Variants in GSC observed in about 807,000 individuals in gnomAD.
The protein encoded by GSC is goosecoid homeobox.
Under a neutral mutation model 24.5 loss-of-function variants are expected in GSC, and 13 were observed. That is an observed-to-expected ratio of 0.53 (90% CI 0.35 to 0.84). The LOEUF (loss-of-function observed/expected upper bound fraction) is 0.84, where lower values mean the gene tolerates loss of function less well. GSC is among the 40% of genes least tolerant of loss of function. GSC has a pLI of 0.01. For synonymous variants in GSC, 199 were observed against 182.1 expected (o/e 1.09, Z -0.75); for missense variants, 382 against 384.2 (o/e 0.99, Z 0.05).
In GSC at chr14:94,768,657, G is replaced by A. The variant is rs1320590724; in HGVS notation, c.616-8C>T. ...GCGGTTCTTAAACCAGACCTGTTGC[G>A]CAACGGAGGACAAAACAGTTCAGAT... On this transcript the variant is annotated splice_region_variant and splice_polypyrimidine_tract_variant and intron_variant, in intron 2 of 2. Transcript: ENST00000238558. 1.2e-6 allele frequency: 2 copies of A among 1,612,972 alleles called. No individual in the cohort carries two copies. Among genetic ancestry groups the A allele is most frequent in the Non-Finnish European group, 1.7e-6 (2 of 1,179,970 alleles).
Position 94,769,017 on chromosome 14 carries a change from C to G in GSC, c.556G>C (p.Asp186His). The change falls in exon 2 of 3, where the codon GAC (aspartate) becomes CAC (histidine). Residue 186 changes from aspartate to histidine, a missense_variant. Transcript: ENST00000238558. ...GCCAGCTGCTCGCGCGTGCCCACGT[C>G]CGGGTACTTGGTCTCCTGGAAGAGG... ...ENLFQETKYP[D>H]VGTREQLARK... 6.3e-7 allele frequency: 1 copy of G among 1,597,288 alleles called. No homozygotes were observed.
At position 94,768,484 on chromosome 14, in the gene GSC, G is replaced by C; in HGVS notation, c.*7C>G. The C allele has an allele frequency of 1.2e-6, 2 of 1,614,138 alleles. No homozygotes were observed. The highest frequency in any genetic ancestry group is 1.7e-5 in the Admixed American group (1 of 60,030). ...GGTAAGTAATACGGGCAAGTGTCCC[G>C]CGGCCGTCAGCTGTCCGAGTCCAAA... On this transcript the variant is annotated 3_prime_UTR_variant, in exon 3 of 3. Transcript: ENST00000238558.
In GSC at chr14:94,769,944, C is replaced by G. The variant is rs925118799; in HGVS notation, c.72G>C (p.Pro24=). The part of the protein sequence containing the change: ...ARPRCKDSVL[P]VAHSAAAPVV... ...CGGGAGCCGCCGCGCTGTGCGCCAC[C>G]GGCAACACCGAGTCCTTGCAGCGCG... The change falls in exon 1 of 3, where the codon CCG becomes CCC. Residue 24 remains proline, a synonymous_variant. Coordinates refer to ENST00000238558, the MANE Select transcript of GSC (RefSeq NM_173849.3). The G allele has an allele frequency of 6.5e-7, 1 of 1,548,444 alleles. No individual in the cohort carries two copies. Among genetic ancestry groups the G allele is most frequent in the Non-Finnish European group, 8.7e-7 (1 of 1,155,442 alleles).
rs748161636 is a variant in GSC at position 94,770,037 on chromosome 14, C to T, written c.-22G>A. 1.5e-4 allele frequency: 229 copies of T among 1,535,068 alleles called. No individual in the cohort carries two copies. The highest frequency in any genetic ancestry group is 1.9e-4 in the Non-Finnish European group (220 of 1,148,432). On this transcript the variant is annotated 5_prime_UTR_variant, in exon 1 of 3. Transcript: ENST00000238558. ...GCATCCCCGAGCCCCGCGTCGGGAC[C>T]GGGGGGCGGCGGGAACGCGCCGAGG...
rs1356744173 is a variant in GSC, at chr14:94,769,705, G to A, written c.311C>T (p.Pro104Leu). Reference protein sequence around the residue: ...PVGPACCGAVPPLGAQQCSCV... With the variant: ...PVGPACCGAVLPLGAQQCSCV... The stretch of plus-strand genomic sequence containing the variant: ...GGAGCACTGCTGGGCGCCCAGCGGC[G>A]GCACGGCCCCGCAGCAGGCCGGGCC... Residue 104 changes from proline (P) to leucine (L), a missense_variant, in exon 1 of 3, where the codon CCG (proline) becomes CTG (leucine). Transcript: ENST00000238558. 1.4e-6 allele frequency: 2 copies of A among 1,446,224 alleles called. No individual in the cohort carries two copies. The highest frequency in any genetic ancestry group is 1.8e-6 in the Non-Finnish European group (2 of 1,108,546). 89.6% of individuals were successfully genotyped at this position (1,446,224 alleles called of 1,614,324 possible).
Position 94,769,015 on chromosome 14 carries a change from G to A in GSC, c.558C>T (p.Asp186=). Residue 186 remains aspartate, a synonymous_variant, in exon 2 of 3, where the codon GAC becomes GAT. Transcript: ENST00000238558. Reference sequence around the variant, plus strand: ...GGGCCAGCTGCTCGCGCGTGCCCACGTCCGGGTACTTGGTCTCCTGGAAGA... The same window carrying A: ...GGGCCAGCTGCTCGCGCGTGCCCACATCCGGGTACTTGGTCTCCTGGAAGA... ...ENLFQETKYP[D]VGTREQLARK... 2 of 1,597,130 alleles carry A rather than the reference G, an allele frequency of 1.3e-6. No homozygotes were observed. Among genetic ancestry groups the A allele is most frequent in the South Asian group, 1.1e-5 (1 of 88,096 alleles).
Position 94,770,047 on chromosome 14 carries a change from C to A in GSC, c.-32G>T. The A allele has an allele frequency of 1.3e-6, 2 of 1,528,168 alleles. No homozygotes were observed. Among genetic ancestry groups the A allele is most frequent in the East Asian group, 2.5e-5 (1 of 40,326 alleles). 94.7% of individuals were successfully genotyped at this position (1,528,168 alleles called of 1,614,324 possible). A position where few individuals can be genotyped will look rare whatever the true frequency, so the allele number is the denominator to read the frequency against. ...GCCCCGCGTCGGGACCGGGGGGCGG[C>A]GGGAACGCGCCGAGGACAGAGCCTT... is the stretch of plus-strand genomic sequence containing the variant. On this transcript the variant is annotated 5_prime_UTR_variant, in exon 1 of 3. Transcript: ENST00000238558.
chr14:94,768,332 C>T lies in GSC; in HGVS notation c.*159G>A. Reference sequence around the variant, plus strand: ...TGCTGGGCTGTGCGCGCCCTGACCCCAGACGCCGACCCTCCCGGCTCTGTA... The same window carrying T: ...TGCTGGGCTGTGCGCGCCCTGACCCTAGACGCCGACCCTCCCGGCTCTGTA... On this transcript the variant is annotated 3_prime_UTR_variant, in exon 3 of 3. Coordinates refer to ENST00000238558, the MANE Select transcript of GSC (RefSeq NM_173849.3). 1.0e-6 allele frequency: 1 copy of T among 967,440 alleles called. No individual in the cohort carries two copies. The highest frequency in any genetic ancestry group is 1.6e-6 in the Non-Finnish European group (1 of 628,824). The allele number at this position is 967,440 out of a possible 1,614,324, so 59.9% of individuals were successfully genotyped here. A position where few individuals can be genotyped will look rare whatever the true frequency, so the allele number is the denominator to read the frequency against.
chr14:94,769,065 C>T lies in GSC; in HGVS notation c.508G>A (p.Glu170Lys), dbSNP rs1030165849. Residue 170 changes from glutamate to lysine, a missense_variant, in exon 2 of 3, where the codon GAG (glutamate) becomes AAG (lysine). Physicochemically the swap from Glu to Lys is moderately conservative, Grantham distance 56 (BLOSUM62 1). Coordinates refer to ENST00000238558, the MANE Select transcript of GSC (RefSeq NM_173849.3). ...KRRHRTIFTD[E>K]QLEALENLFQ... ...AGGTTCTCGAGAGCTTCGAGCTGCT[C>T]GTCAGTGAAGATGGTGCGGTGCCGC... is the stretch of plus-strand genomic sequence containing the variant. 1 of 1,594,850 alleles carries T rather than the reference C, an allele frequency of 6.3e-7. No individual in the cohort carries two copies. The highest frequency in any genetic ancestry group is 8.5e-7 in the Non-Finnish European group (1 of 1,171,448).
chr14:94,768,957 C>A lies in GSC; in HGVS notation c.615+1G>T. ...CGCCCACGGCAGGCCCCGGCGCCTA[C>A]CTCCACTTTCTCCTCGCGGAGGTGC... On this transcript the variant is annotated splice_donor_variant, in intron 2 of 2. Coordinates refer to ENST00000238558, the MANE Select transcript of GSC (RefSeq NM_173849.3). LOFTEE classifies it high-confidence loss of function. 1 of 1,581,470 alleles carries A rather than the reference C, an allele frequency of 6.3e-7. No homozygotes were observed. The highest frequency in any genetic ancestry group is 8.6e-7 in the Non-Finnish European group (1 of 1,164,948).
At position 94,769,932 on chromosome 14, in the gene GSC, G is replaced by T; in HGVS notation, c.84C>A (p.Ser28Arg). 3 of 1,540,694 alleles carry T rather than the reference G, an allele frequency of 1.9e-6. No homozygotes were observed. The highest frequency in any genetic ancestry group is 2.4e-5 in the South Asian group (2 of 84,398). The change falls in exon 1 of 3, where the codon AGC becomes AGA. Residue 28 changes from serine to arginine, a missense_variant. By Grantham distance (110) the Ser-to-Arg change is moderately radical (BLOSUM62 -1). Transcript: ENST00000238558. ...CCGGGAAGACGACGGGAGCCGCCGC[G>T]CTGTGCGCCACCGGCAACACCGAGT... ...CKDSVLPVAH[S>R]AAAPVVFPAL...
intron 2 of GSC, 140 bp from the exon 3 acceptor site, chr14:94,768,789 G>A (rs977790118): frequency 1.9e-5 from 26 of 1,404,476 alleles, no homozygotes; most frequent in Non-Finnish European, 2.5e-5. Flanking sequence ...TCCCGCTTCC[G>A]CGTTTTCATT....
At position 94,768,431 on chromosome 14, in the gene GSC, C is replaced by G; in HGVS notation, c.*60G>C. 6.3e-7 allele frequency: 1 copy of G among 1,592,914 alleles called. No homozygotes were observed. The highest frequency in any genetic ancestry group is 1.7e-5 in the Admixed American group (1 of 60,012). On this transcript the variant is annotated 3_prime_UTR_variant, in exon 3 of 3. Transcript: ENST00000238558. Reference sequence around the variant, plus strand: ...CAGCGCGTGTGCAAGAAAGTAGCATCGTCTGTCTGTGCAAGTCCTTCGAGT... The same window carrying G: ...CAGCGCGTGTGCAAGAAAGTAGCATGGTCTGTCTGTGCAAGTCCTTCGAGT...
rs1337966575 is a variant in GSC at position 94,770,054 on chromosome 14, G to A, written c.-39C>T. 3.9e-6 allele frequency: 6 copies of A among 1,522,572 alleles called. No homozygotes were observed. The Admixed American group carries it at 6.0e-5, about 15-fold the overall frequency. 94.3% of individuals were successfully genotyped at this position (1,522,572 alleles called of 1,614,324 possible). A position where few individuals can be genotyped will look rare whatever the true frequency, so the allele number is the denominator to read the frequency against. On this transcript the variant is annotated 5_prime_UTR_variant, in exon 1 of 3. Coordinates refer to ENST00000238558, the MANE Select transcript of GSC (RefSeq NM_173849.3). ...GTCGGGACCGGGGGGCGGCGGGAACGCGCCGAGGACAGAGCCTTAAAGTGG... is the reference window on the plus strand; with the variant it reads ...GTCGGGACCGGGGGGCGGCGGGAACACGCCGAGGACAGAGCCTTAAAGTGG...
chr14:94,768,232 A>G lies in GSC; in HGVS notation c.*259T>C, dbSNP rs2139702325. 1.9e-6 allele frequency: 1 copy of G among 516,806 alleles called. No homozygotes were observed. The highest frequency in any genetic ancestry group is 3.5e-6 in the Non-Finnish European group (1 of 283,970). The allele number at this position is 516,806 out of a possible 1,614,324, so 32.0% of individuals were successfully genotyped here. ...CAGAATGTGGCCCGTCTACATCGCC[A>G]TCACTTTATTGTACTGTCACCCTTA... On this transcript the variant is annotated 3_prime_UTR_variant, in exon 3 of 3. Transcript: ENST00000238558.
chr14:94,768,854 T>C, intron 2 of GSC, 104 bp downstream of exon 2: 1 of 1,483,558 alleles, frequency 6.7e-7, no homozygotes. Context: ...CATCGGGATG[T>C]TTTTAAAGTG....
intron 2 of GSC, 45 bp from the exon 3 acceptor site, chr14:94,768,694 T>C (rs540045819): frequency 1.1e-5 from 17 of 1,532,766 alleles, no homozygotes; most frequent in Middle Eastern, 2.0e-4. Context: ...AAAGGCGCGC[T>C]TCCCCCAGTC....
At chr14:94,769,423 TCAAAACAAAA>T (rs372026110) in intron 1 of GSC, among the ~76,000 whole-genome samples, 6 of 151,916 alleles carry the variant, frequency 3.9e-5, no homozygotes, top group African/African-American at 1.2e-4. Context: ...GTAAGAGAAT[TCAAAACAAAA>T]CAAAACAAAA....
In GSC at chr14:94,770,036, C is replaced by T; in HGVS notation, c.-21G>A. On this transcript the variant is annotated 5_prime_UTR_variant, in exon 1 of 3. Coordinates refer to ENST00000238558, the MANE Select transcript of GSC (RefSeq NM_173849.3). The stretch of plus-strand genomic sequence containing the variant: ...GGCATCCCCGAGCCCCGCGTCGGGA[C>T]CGGGGGGCGGCGGGAACGCGCCGAG... 2 of 1,540,386 alleles carry T rather than the reference C, an allele frequency of 1.3e-6. No homozygotes were observed. The highest frequency in any genetic ancestry group is 8.7e-7 in the Non-Finnish European group (1 of 1,151,132).
Sources: allele counts gnomAD v4.1 joint callset (sites outside exome capture counted in the v4.1 genomes callset), GRCh38; gene constraint gnomAD v4.1.1; transcripts MANE v1.5; gene names NCBI Gene and HGNC (gene_info 2026-07-23, HGNC 2026-07-21).